EPCAM: variants seen among roughly 807,000 people sequenced by gnomAD.
EPCAM encodes the protein adenocarcinoma-associated antigen.
In EPCAM, 39 loss-of-function variants were observed where a neutral mutation model predicts 40.0. That is an observed-to-expected ratio of 0.98 (90% CI 0.76 to 1.27). The LOEUF (loss-of-function observed/expected upper bound fraction) is 1.27, where lower values mean the gene tolerates loss of function less well. Among genes scored for constraint, EPCAM ranks in the 50% most tolerant of loss-of-function variants. The pLI, the probability that EPCAM is intolerant of heterozygous loss-of-function variation, is 0.00. For missense variants in EPCAM, 503 were observed against 381.2 expected, an observed-to-expected ratio of 1.32 and a Z score of -2.66; for synonymous variants, 168 against 132.3, an observed-to-expected ratio of 1.27 and a Z score of -1.85.
At chr2:47,371,507 C>T (rs1398572713) in intron 1 of EPCAM, among the ~76,000 whole-genome samples, 1 of 152,312 alleles carries the variant, frequency 6.6e-6, no homozygotes, top group Non-Finnish European at 1.5e-5. Context: ...ACACTTTCAC[C>T]AATGGAGTGG....
At chr2:47,382,827 C>T (rs1671627863) in intron 7 of EPCAM, among the ~76,000 whole-genome samples, 2 of 152,074 alleles carry the variant, frequency 1.3e-5, no homozygotes, top group African/African-American at 4.8e-5. Context: ...ATCTTTGGAT[C>T]TGGAATGGTT....
At chr2:47,370,910 G>A (rs1046895903) in intron 1 of EPCAM, among the ~76,000 whole-genome samples, 2 of 151,314 alleles carry the variant, frequency 1.3e-5, no homozygotes, top group East Asian at 2.0e-4. Flanking sequence ...GAGGGGTTTC[G>A]CCATGTTGGC....
intron 7 of EPCAM, among the ~76,000 whole-genome samples, chr2:47,384,595 T>C (rs115677472): frequency 0.012 from 1,786 of 151,828 alleles, 31 homozygotes; most frequent in African/African-American, 0.041. Context: ...TTTGTTTTTT[T>C]AGTAGAGTCG....
intron 4 of EPCAM, 112 bp downstream of exon 4, chr2:47,375,411 A>C: frequency 1.4e-6 from 1 of 738,742 alleles, no homozygotes; most frequent in Non-Finnish European, 2.4e-6. Context: ...TGAAAAATAA[A>C]GTTACTTGAA....
At chr2:47,371,663 C>CAT in intron 1 of EPCAM, among the ~76,000 whole-genome samples, 1 of 152,170 alleles carries the variant, frequency 6.6e-6, no homozygotes, top group South Asian at 2.1e-4. Context: ...AAGTCTGCAC[C>CAT]TGACTGGTCT....
At chr2:47,375,142 C>T (rs192250337) in intron 3 of EPCAM, 92 bp from the exon 4 acceptor site, 57 of 956,272 alleles carry the variant, frequency 6.0e-5, no homozygotes, top group Non-Finnish European at 9.4e-5. Flanking sequence ...TCTCTTAGTC[C>T]TTATAATTCG....
In EPCAM at chr2:47,370,564, C is replaced by G. The variant is rs150187297; in HGVS notation, c.76+983C>G. On this transcript the variant is annotated intron_variant, in intron 1 of 8. Coordinates refer to ENST00000263735, the MANE Select transcript of EPCAM (RefSeq NM_002354.3). ...TGCTGTGATTACAGGCGTGAGCCAC[C>G]GTGCCCGGCCTATTTTATTTTTTTA... is the stretch of plus-strand genomic sequence containing the variant. Among the ~76,000 whole-genome samples the G allele has an allele frequency of 3.7e-3, 543 of 148,586 alleles. 3 individuals are homozygous for G. Among genetic ancestry groups the G allele is most frequent in the African/African-American group, 0.012 (500 of 40,058 alleles).
intron 7 of EPCAM, 26 bp from the exon 8 acceptor site, chr2:47,385,140 A>G: frequency 6.3e-7 from 1 of 1,591,572 alleles, no homozygotes; most frequent in Non-Finnish European, 8.6e-7. Flanking sequence ...CAGTCCTAAA[A>G]CAATAGTTGT....
At position 47,379,790 on chromosome 2, in the gene EPCAM, C is replaced by A; in HGVS notation, c.679C>A (p.His227Asn). 1.2e-6 allele frequency: 2 copies of A among 1,613,532 alleles called. No homozygotes were observed. The highest frequency in any genetic ancestry group is 1.7e-6 in the Non-Finnish European group (2 of 1,179,850). Residue 227 changes from histidine to asparagine, a missense_variant, in exon 7 of 9, where the codon CAT becomes AAT. His to Asn is a moderately conservative substitution (Grantham distance 68, BLOSUM62 1). Transcript: ENST00000263735. ...EKDVKGESLF[H>N]SKKMDLTVNG... The stretch of plus-strand genomic sequence containing the variant: ...ACAGGTTAAAGGTGAATCCTTGTTT[C>A]ATTCTAAGAAAATGGACCTGACAGT...
intron 1 of EPCAM, among the ~76,000 whole-genome samples, chr2:47,372,702 A>T (rs10197484): frequency 6.7e-6 from 1 of 150,304 alleles, no homozygotes; most frequent in African/African-American, 2.4e-5. Context: ...ATCCTGGGAG[A>T]TGGATGTTGC....
intron 8 of EPCAM, among the ~76,000 whole-genome samples, chr2:47,385,977 A>G (rs1363715674): frequency 6.6e-6 from 1 of 152,236 alleles, no homozygotes; most frequent in Non-Finnish European, 1.5e-5. Context: ...AGAGCAGTAC[A>G]GACCTGGGTT....
chr2:47,386,151 T>A (rs1481512277), intron 8 of EPCAM, among the ~76,000 whole-genome samples: 1 of 152,210 alleles, frequency 6.6e-6, no homozygotes, highest in Non-Finnish European at 1.5e-5. Context: ...AGAGTGGTAG[T>A]TGTCATTATC....
intron 8 of EPCAM, among the ~76,000 whole-genome samples, chr2:47,386,155 C>G (rs919973011): frequency 2.6e-5 from 4 of 152,152 alleles, no homozygotes; most frequent in Non-Finnish European, 5.9e-5. Flanking sequence ...TGGTAGTTGT[C>G]ATTATCATTG....
At chr2:47,382,279 G>C (rs113563554) in intron 7 of EPCAM, among the ~76,000 whole-genome samples, 1 of 152,206 alleles carries the variant, frequency 6.6e-6, no homozygotes, top group Non-Finnish European at 1.5e-5. Context: ...AGAAATTTCA[G>C]ATGGCAAATG....
chr2:47,377,122 C>A (rs1344707331), intron 5 of EPCAM, 45 bp downstream of exon 5: 1 of 1,283,188 alleles, frequency 7.8e-7, no homozygotes, highest in African/African-American at 1.5e-5. Context: ...GTTGGTGAGA[C>A]AGTATGTTTT....
intron 7 of EPCAM, among the ~76,000 whole-genome samples, chr2:47,384,783 T>A (rs1230517729): frequency 6.6e-6 from 1 of 152,208 alleles, no homozygotes; most frequent in Non-Finnish European, 1.5e-5. Flanking sequence ...CTCCACTCAC[T>A]GCAACCTCTG....
intron 1 of EPCAM, 28 bp from the exon 2 acceptor site, chr2:47,373,435 A>G: frequency 7.0e-7 from 1 of 1,419,686 alleles, no homozygotes; most frequent in Non-Finnish European, 9.9e-7. Context: ...TCCACATTTT[A>G]AAGTAGATTT....
rs193061519 is a variant in EPCAM, at chr2:47,383,703, C to T, written c.859-1463C>T. Among the ~76,000 whole-genome samples the T allele has an allele frequency of 8.3e-3, 1,091 of 131,306 alleles. 17 individuals are homozygous for T. Among genetic ancestry groups the T allele is most frequent in the African/African-American group, 0.027 (957 of 35,530 alleles). The allele number at this position is 131,306 out of a possible 152,430, so 86.1% of individuals were successfully genotyped here. A position where few individuals can be genotyped will look rare whatever the true frequency, so the allele number is the denominator to read the frequency against. ...AGGCTGGAGTGCAGTGGCACGATCT[C>T]GGCTCACTGCAACCTCCATCTCCCA... is the stretch of plus-strand genomic sequence containing the variant. On this transcript the variant is annotated intron_variant, in intron 7 of 8. Coordinates refer to ENST00000263735, the MANE Select transcript of EPCAM (RefSeq NM_002354.3).
intron 5 of EPCAM, among the ~76,000 whole-genome samples, chr2:47,378,183 G>A (rs2103755552): frequency 6.6e-6 from 1 of 152,174 alleles, no homozygotes; most frequent in Admixed American, 6.5e-5. Context: ...AGTCAGCTGA[G>A]ATTGTGCCAC....
Sources: gnomAD v4.1 joint callset for allele counts (sites outside exome capture counted in the v4.1 genomes callset) on GRCh38, gnomAD v4.1.1 for gene constraint, MANE v1.5 for transcripts, NCBI Gene and HGNC (gene_info 2026-07-23, HGNC 2026-07-21) for gene names.